The following PDLIM1 variants were observed in gnomAD, a reference collection of about 807,000 sequenced individuals.
PDLIM1 encodes the protein PDZ and LIM domain 1.
In PDLIM1, 25 loss-of-function variants were observed where a neutral mutation model predicts 35.2. The observed-to-expected ratio is 0.71, with a 90% CI of 0.52 to 0.99. The LOEUF (loss-of-function observed/expected upper bound fraction) is 0.99, where lower values mean the gene tolerates loss of function less well. Ranked by LOEUF, PDLIM1 falls within the 50% of genes least tolerant of loss-of-function variation. The pLI, the probability that PDLIM1 is intolerant of heterozygous loss-of-function variation, is 0.00. For synonymous variants in PDLIM1, 152 were observed against 154.0 expected, an observed-to-expected ratio of 0.99 and a Z score of 0.10; for missense variants, 363 against 415.3, an observed-to-expected ratio of 0.87 and a Z score of 1.09.
intron 5 of PDLIM1, among the ~76,000 whole-genome samples, chr10:95,241,683 G>A (rs2035179722): frequency 6.6e-6 from 1 of 152,208 alleles, no homozygotes; most frequent in Non-Finnish European, 1.5e-5. Flanking sequence ...GTGAGCAGAT[G>A]TGAGCCTTAT....
chr10:95,290,329 A>C lies in PDLIM1; in HGVS notation c.96+491T>G, dbSNP rs1269488968. ...GAGCCTCGGCCGTGGGTCAAGTCCAAAGAGCGTGTTTCGGTTGTTTTTTTA... is the reference window on the plus strand; with the variant it reads ...GAGCCTCGGCCGTGGGTCAAGTCCACAGAGCGTGTTTCGGTTGTTTTTTTA... On this transcript the variant is annotated intron_variant, in intron 1 of 6. Coordinates refer to ENST00000329399, the MANE Select transcript of PDLIM1 (RefSeq NM_020992.4). This position sits in a 1 kb window ranked among gnomAD's most constrained non-coding sequence, Gnocchi z 4.7. Among the ~76,000 whole-genome samples the C allele has an allele frequency of 6.6e-6, 1 of 152,100 alleles. No homozygotes were observed. Among genetic ancestry groups the C allele is most frequent in the African/African-American group, 2.4e-5 (1 of 41,412 alleles).
chr10:95,244,874 T>C lies in PDLIM1; in HGVS notation c.685+2341A>G, dbSNP rs185033759. ...GAGATCATGCCACTGCACTCCAGCC[T>C]GGGCAACAGAGCAAGACCCTGTCTC... is the stretch of plus-strand genomic sequence containing the variant. On this transcript the variant is annotated intron_variant, in intron 5 of 6. Transcript: ENST00000329399. Among the ~76,000 whole-genome samples the C allele has an allele frequency of 2.6e-5, 4 of 152,132 alleles. No homozygotes were observed. In the East Asian group the frequency reaches 5.8e-4, roughly 22 times the overall value.
At chr10:95,265,751 A>C (rs35235230) in intron 3 of PDLIM1, among the ~76,000 whole-genome samples, 1 of 26,538 alleles carries the variant, frequency 3.8e-5, no homozygotes, top group African/African-American at 8.5e-5. Context: ...CCCATCCGTA[A>C]AAAAAAGTTA....
chr10:95,238,782 A>C, intron 5 of PDLIM1, 97 bp from the exon 6 acceptor site: 1 of 761,682 alleles, frequency 1.3e-6, no homozygotes, highest in Non-Finnish European at 2.3e-6. Flanking sequence ...TGTTCAAGCA[A>C]GGCCATGGGA....
chr10:95,242,323 A>AT (rs1564597149), intron 5 of PDLIM1, among the ~76,000 whole-genome samples: 2 of 151,904 alleles, frequency 1.3e-5, no homozygotes, highest in African/African-American at 4.8e-5. Flanking sequence ...ACCTGTATTA[A>AT]TTTTTTTAAT....
rs45532031 is a variant in PDLIM1 at position 95,264,923 on chromosome 10, T to C, written c.334-860A>G. ...AAACTACAGCTTTTCTACTTTTTCT[T>C]TCCCTCCTGCCAGCATCACAGCTTT... On this transcript the variant is annotated intron_variant, in intron 3 of 6. Transcript: ENST00000329399. Among the ~76,000 whole-genome samples the C allele has an allele frequency of 3.9e-3, 583 of 149,522 alleles. 8 individuals carry two copies. The highest frequency in any genetic ancestry group is 0.014 in the African/African-American group (564 of 40,804).
intron 4 of PDLIM1, among the ~76,000 whole-genome samples, chr10:95,256,931 T>C (rs947146566): frequency 7.3e-6 from 1 of 137,452 alleles, no homozygotes; most frequent in African/African-American, 2.7e-5. Context: ...GCCAAGATCA[T>C]GCCATTGCAC....
At chr10:95,261,933 G>A (rs761575584) in intron 4 of PDLIM1, among the ~76,000 whole-genome samples, 27 of 151,902 alleles carry the variant, frequency 1.8e-4, no homozygotes, top group Admixed American at 5.2e-4. Flanking sequence ...GCTTGAACCC[G>A]GGAGGCGGAG....
chr10:95,278,064 A>T (rs1803052820), intron 1 of PDLIM1, among the ~76,000 whole-genome samples: 2 of 152,198 alleles, frequency 1.3e-5, no homozygotes, highest in South Asian at 4.1e-4. Context: ...TTTCTACTTC[A>T]TCCCTCCCCT....
intron 5 of PDLIM1, among the ~76,000 whole-genome samples, chr10:95,241,395 GACC>G (rs2035176967): frequency 6.6e-6 from 1 of 152,108 alleles, no homozygotes. Flanking sequence ...ACTGTATTTT[GACC>G]ACAATTACCC....
intron 1 of PDLIM1, among the ~76,000 whole-genome samples, chr10:95,278,533 G>C (rs2035533960): frequency 6.6e-6 from 1 of 151,686 alleles, no homozygotes; most frequent in South Asian, 2.1e-4. Context: ...TGGAATCACG[G>C]AACACTCCCT....
chr10:95,247,433 T>G, intron 4 of PDLIM1, 67 bp from the exon 5 acceptor site: 2 of 1,320,978 alleles, frequency 1.5e-6, no homozygotes, highest in South Asian at 1.3e-5. Context: ...ACCAGGAACC[T>G]CCTCCAGGCA....
chr10:95,254,008 A>G (rs2133418174), intron 4 of PDLIM1, among the ~76,000 whole-genome samples: 1 of 152,322 alleles, frequency 6.6e-6, no homozygotes, highest in East Asian at 1.9e-4. Flanking sequence ...AAAACACTAC[A>G]AATAAAAATG....
At chr10:95,268,925 A>G (rs1250743220) in intron 2 of PDLIM1, 63 bp from the exon 3 acceptor site, 2 of 1,211,394 alleles carry the variant, frequency 1.7e-6, no homozygotes, top group Non-Finnish European at 1.2e-6. Flanking sequence ...TACCAAAGAC[A>G]AACTGGAAAA....
At position 95,271,647 on chromosome 10, in the gene PDLIM1, A is replaced by C. The variant is rs752906228; in HGVS notation, c.234T>G (p.Thr78=). 2.5e-6 allele frequency: 4 copies of C among 1,603,882 alleles called. No individual in the cohort carries two copies. The highest frequency in any genetic ancestry group is 1.3e-5 in the African/African-American group (1 of 74,200). The change falls in exon 2 of 7, where the codon ACT becomes ACG. Residue 78 remains threonine (T), a synonymous_variant. Transcript: ENST00000329399. Reference sequence around the variant, plus strand: ...ATAGGCTTCACCTGGCTACAGTGAGAGTCAAGTTGTCTGTGCAGCCTTTGA... The same window carrying C: ...ATAGGCTTCACCTGGCTACAGTGAGCGTCAAGTTGTCTGTGCAGCCTTTGA... The part of the protein sequence containing the change: ...NRIKGCTDNL[T]LTVARSEHKV...
At chr10:95,274,810 T>C (rs1015406093) in intron 1 of PDLIM1, among the ~76,000 whole-genome samples, 2 of 152,208 alleles carry the variant, frequency 1.3e-5, no homozygotes, top group Non-Finnish European at 2.9e-5. Flanking sequence ...CTAACCAATT[T>C]CATCTTGCCT....
At chr10:95,241,452 C>T (rs1026647558) in intron 5 of PDLIM1, among the ~76,000 whole-genome samples, 1 of 152,284 alleles carries the variant, frequency 6.6e-6, no homozygotes, top group Non-Finnish European at 1.5e-5. Context: ...TGGTTCCCTA[C>T]TGGGGGCAGT....
At chr10:95,284,510 C>G (rs1000731226) in intron 1 of PDLIM1, among the ~76,000 whole-genome samples, 2 of 152,046 alleles carry the variant, frequency 1.3e-5, no homozygotes, top group African/African-American at 4.8e-5. Flanking sequence ...CCTGCCACTA[C>G]GCCTGGCTAA....
intron 1 of PDLIM1, 22 bp from the exon 2 acceptor site, chr10:95,271,806 G>C (rs1245174543): frequency 2.5e-6 from 4 of 1,603,842 alleles, no homozygotes; most frequent in Non-Finnish European, 3.4e-6. Flanking sequence ...GGGGAAAGCA[G>C]GCTAGTTACT....
Sources: gnomAD v4.1 joint callset for allele counts (sites outside exome capture counted in the v4.1 genomes callset) on GRCh38, gnomAD v4.1.1 for gene constraint, Gnocchi (gnomAD v3.1) non-coding constraint, MANE v1.5 for transcripts, NCBI Gene and HGNC (gene_info 2026-07-23, HGNC 2026-07-21) for gene names.